Variants in VPS39 observed in about 807,000 individuals in gnomAD.
The protein encoded by VPS39 is vam6/Vps39-like protein.
VPS39 carries 70 observed loss-of-function variants against 121.0 expected under a neutral mutation model. That is an observed-to-expected ratio of 0.58 (90% CI 0.48 to 0.71). The LOEUF (loss-of-function observed/expected upper bound fraction) is 0.71. Ranked by LOEUF, VPS39 falls within the 30% of genes least tolerant of loss-of-function variation. The pLI, the probability that VPS39 is intolerant of heterozygous loss-of-function variation, is 0.00. For missense variants in VPS39, 818 were observed against 1,051.5 expected, an observed-to-expected ratio of 0.78 and a Z score of 3.07; for synonymous variants, 378 against 398.1, an observed-to-expected ratio of 0.95 and a Z score of 0.60.
intron 16 of VPS39, 101 bp downstream of exon 16, chr15:42,166,058 G>A: frequency 8.1e-7 from 1 of 1,230,000 alleles, no homozygotes; most frequent in African/African-American, 1.5e-5. Flanking sequence ...CACCAATGAA[G>A]ACAGATGCAT....
At chr15:42,166,527 G>A in intron 15 of VPS39, 36 bp downstream of exon 15, 3 of 1,608,550 alleles carry the variant, frequency 1.9e-6, no homozygotes, top group Non-Finnish European at 2.6e-6. Flanking sequence ...ATTTGAACAG[G>A]AGCGCTTTCC....
At chr15:42,182,913 C>T (rs1276621457) in intron 8 of VPS39, among the ~76,000 whole-genome samples, 10 of 152,288 alleles carry the variant, frequency 6.6e-5, no homozygotes, top group Admixed American at 1.3e-4. Context: ...ACCAAAGTTC[C>T]TCTTCTGAAG....
chr15:42,178,662 G>T (rs1181358865), intron 8 of VPS39, 92 bp from the exon 9 acceptor site: 2 of 1,535,020 alleles, frequency 1.3e-6, no homozygotes, highest in African/African-American at 2.8e-5. Context: ...ACATTTAAAT[G>T]GATCTCCAAA....
chr15:42,163,432 G>C, intron 20 of VPS39, 37 bp from the exon 21 acceptor site: 4 of 1,613,026 alleles, frequency 2.5e-6, no homozygotes, highest in Non-Finnish European at 2.5e-6. Context: ...GGTGGTGTGA[G>C]GGGGGCACAT....
chr15:42,192,905 G>A (rs1461094434), intron 2 of VPS39, among the ~76,000 whole-genome samples: 1 of 152,008 alleles, frequency 6.6e-6, no homozygotes, highest in East Asian at 1.9e-4. Flanking sequence ...TCAGCCTCTG[G>A]AGTAGCTGGG....
At chr15:42,170,509 T>A (rs1295537591) in intron 11 of VPS39, among the ~76,000 whole-genome samples, 2 of 152,002 alleles carry the variant, frequency 1.3e-5, no homozygotes, top group East Asian at 1.9e-4. Flanking sequence ...CTCAAAAAAA[T>A]TTTTTAAAAG....
Position 42,199,884 on chromosome 15 carries a change from A to G in VPS39, c.139+12T>C, listed in dbSNP as rs200934171. On this transcript the variant is annotated intron_variant, in intron 2 of 24. Transcript: ENST00000318006. ...TAAAACTTATTTTTTTGCATGAGCA[A>G]TGTGCACTTACCAACGTCCTTCCGA... The G allele has an allele frequency of 5.6e-4, 878 of 1,576,472 alleles. 2 individuals carry two copies. The African/African-American group carries it at 0.011, about 20-fold the overall frequency.
intron 4 of VPS39, 85 bp downstream of exon 4, chr15:42,191,040 C>T (rs143190500): frequency 1.3e-6 from 2 of 1,484,082 alleles, no homozygotes; most frequent in Admixed American, 1.7e-5. Flanking sequence ...GTTAAGTAAC[C>T]ACTATCAAAT....
chr15:42,189,739 A>AAG (rs1434116543), intron 4 of VPS39, among the ~76,000 whole-genome samples: 3 of 150,734 alleles, frequency 2.0e-5, no homozygotes, highest in Admixed American at 1.3e-4. Flanking sequence ...AAAAAAAAAA[A>AAG]AAAAAAAAAT....
chr15:42,193,453 G>A (rs1365009050), intron 2 of VPS39, among the ~76,000 whole-genome samples: 1 of 152,146 alleles, frequency 6.6e-6, no homozygotes, highest in African/African-American at 2.4e-5. Flanking sequence ...CTTAACAAAT[G>A]TAATTTCTTG....
Position 42,165,008 on chromosome 15 carries a change from ACAGGAGATACTCCTT to A in VPS39, c.1870_1884del (p.Lys624_Leu628del), listed in dbSNP as rs1203697821. ...AAAGAACTGGTACCTGCAGGGAAGGACAGGAGATACTCCTTCATCAGACCTTGCACCTTCTCACAG... is the reference window on the plus strand; with the variant it reads ...AAAGAACTGGTACCTGCAGGGAAGGACATCAGACCTTGCACCTTCTCACAG... On this transcript the variant is annotated inframe_deletion, in exon 18 of 25. Transcript: ENST00000318006. The A allele has an allele frequency of 1.2e-6, 2 of 1,614,230 alleles. No homozygotes were observed. The highest frequency in any genetic ancestry group is 1.7e-6 in the Non-Finnish European group (2 of 1,180,038).
chr15:42,196,341 AG>A (rs1203349651), intron 2 of VPS39, among the ~76,000 whole-genome samples: 1 of 152,162 alleles, frequency 6.6e-6, no homozygotes, highest in Non-Finnish European at 1.5e-5. Flanking sequence ...TAAACTAAAG[AG>A]CTTCTGCACA....
chr15:42,186,381 C>A (rs2049702394), intron 7 of VPS39, among the ~76,000 whole-genome samples: 1 of 152,046 alleles, frequency 6.6e-6, no homozygotes, highest in African/African-American at 2.4e-5. Context: ...ACGGAGGCTG[C>A]AGTGAGCCAA....
chr15:42,178,089 G>A (rs981755893), intron 10 of VPS39, 129 bp downstream of exon 10: 4 of 1,251,284 alleles, frequency 3.2e-6, no homozygotes, highest in South Asian at 1.5e-5. Context: ...GTCAGACCTA[G>A]TATTCAAGGC....
chr15:42,172,270 C>CA (rs902629676), intron 11 of VPS39, among the ~76,000 whole-genome samples: 2 of 152,206 alleles, frequency 1.3e-5, no homozygotes, highest in Non-Finnish European at 2.9e-5. Flanking sequence ...TGAGGACACT[C>CA]AAGCAGCTCT....
chr15:42,191,454 T>A (rs375446457), intron 3 of VPS39, 42 bp downstream of exon 3: 93 of 1,584,426 alleles, frequency 5.9e-5, no homozygotes, highest in Non-Finnish European at 6.3e-5. Flanking sequence ...CAGGGTCTCA[T>A]GTAAGTCAAA....
intron 1 of VPS39, among the ~76,000 whole-genome samples, chr15:42,204,712 T>C (rs2050135233): frequency 6.6e-6 from 1 of 152,180 alleles, no homozygotes; most frequent in Non-Finnish European, 1.5e-5. Context: ...TTTGTTTTTA[T>C]GAAACATTCA....
intron 1 of VPS39, among the ~76,000 whole-genome samples, chr15:42,202,285 T>C (rs1326905220): frequency 6.6e-6 from 1 of 152,188 alleles, no homozygotes; most frequent in African/African-American, 2.4e-5. Flanking sequence ...AGTGATTCTA[T>C]TTTCTTTGAT....
chr15:42,161,356 C>T lies in VPS39; in HGVS notation c.2552+326G>A, dbSNP rs575207102. 288 of 432,854 alleles carry T rather than the reference C, an allele frequency of 6.7e-4. 4 individuals are homozygous for T. The highest frequency in any genetic ancestry group is 3.5e-3 in the Middle Eastern group (5 of 1,410). The allele number at this position is 432,854 out of a possible 1,614,324, so 26.8% of individuals were successfully genotyped here. A position where few individuals can be genotyped will look rare whatever the true frequency, so the allele number is the denominator to read the frequency against. On this transcript the variant is annotated intron_variant, in intron 24 of 24. Coordinates refer to ENST00000318006, the MANE Select transcript of VPS39 (RefSeq NM_015289.5). Reference sequence around the variant, plus strand: ...AGCTTGAAAGATCTTTTTCTTCCTTCACTGGATCTTCCTTATAAGAACTTT... The same window carrying T: ...AGCTTGAAAGATCTTTTTCTTCCTTTACTGGATCTTCCTTATAAGAACTTT...
Sources: allele counts gnomAD v4.1 joint callset (sites outside exome capture counted in the v4.1 genomes callset), GRCh38; gene constraint gnomAD v4.1.1; transcripts MANE v1.5; gene names NCBI Gene and HGNC (gene_info 2026-07-23, HGNC 2026-07-21).